AMMECR1L: variants seen among roughly 807,000 people sequenced by gnomAD.
AMMECR1L encodes AMMECR1-like protein.
Under a neutral mutation model 36.8 loss-of-function variants are expected in AMMECR1L, and 4 were observed. The ratio of observed to expected loss-of-function variants is 0.11; its 90% CI spans 0.05 to 0.25. The LOEUF (loss-of-function observed/expected upper bound fraction) is 0.25, where lower values mean the gene tolerates loss of function less well. Ranked by LOEUF, AMMECR1L falls within the 10% of genes least tolerant of loss-of-function variation. The probability of loss-of-function intolerance (pLI) is 1.00; values close to 1 mark genes in which losing one functional copy is unlikely to be tolerated. For missense variants in AMMECR1L, 232 were observed against 392.1 expected (o/e 0.59, Z 3.45); for synonymous variants, 147 against 148.0 (o/e 0.99, Z 0.05).
chr2:127,884,478 T>G (rs1691662847), intron 1 of AMMECR1L, among the ~76,000 whole-genome samples, 166 bp from the exon 2 acceptor site: 1 of 152,120 alleles, frequency 6.6e-6, no homozygotes, highest in African/African-American at 2.4e-5. Context: ...TTGCAAACTC[T>G]AAATCTGAGG....
chr2:127,870,590 A>G (rs1184481144), intron 5 of AMMECR1L, among the ~76,000 whole-genome samples: 1 of 152,194 alleles, frequency 6.6e-6, no homozygotes, highest in East Asian at 1.9e-4. Flanking sequence ...ATGTAAACCA[A>G]GCAGACTAGG....
chr2:127,872,448 G>A (rs965219533), intron 3 of AMMECR1L, among the ~76,000 whole-genome samples: 1 of 152,124 alleles, frequency 6.6e-6, no homozygotes, highest in African/African-American at 2.4e-5. Flanking sequence ...TTTTTAGCAA[G>A]AGGTTTCAAG....
At chr2:127,877,038 T>TATATATATATATAC (rs1691280358) in intron 2 of AMMECR1L, among the ~76,000 whole-genome samples, 18 of 39,422 alleles carry the variant, frequency 4.6e-4, no homozygotes, top group African/African-American at 4.2e-3. Context: ...TATATATACA[T>TATATATATATATAC]ATATATATAT....
intron 2 of AMMECR1L, among the ~76,000 whole-genome samples, chr2:127,877,928 C>T (rs770489141): frequency 6.6e-6 from 1 of 151,862 alleles, no homozygotes; most frequent in Non-Finnish European, 1.5e-5. Context: ...CATGGTGGCA[C>T]GCACCTATGG....
chr2:127,874,099 A>T lies in AMMECR1L; in HGVS notation c.136T>A (p.Ser46Thr), dbSNP rs761395431. Residue 46 changes from serine (S) to threonine (T), a missense_variant, in exon 3 of 8, where the codon TCA becomes ACA. Transcript: ENST00000272647. This position sits in a 1 kb window ranked among gnomAD's most constrained non-coding sequence, Gnocchi z 5.2. ...NQSTTVPGSS[S>T]GPLQNHQHVD... Reference sequence around the variant, plus strand: ...TGCTGGTGGTTTTGAAGAGGTCCTGAACTAGAGCCGGGGACAGTTGTGGAC... The same window carrying T: ...TGCTGGTGGTTTTGAAGAGGTCCTGTACTAGAGCCGGGGACAGTTGTGGAC... 6.2e-7 allele frequency: 1 copy of T among 1,614,168 alleles called. No individual in the cohort carries two copies. The highest frequency in any genetic ancestry group is 1.1e-5 in the South Asian group (1 of 91,086).
At position 127,863,985 on chromosome 2, in the gene AMMECR1L, C is replaced by G. The variant is rs1690575988; in HGVS notation, c.*1109G>C. 1 of 152,360 alleles carries G rather than the reference C, an allele frequency of 6.6e-6. No homozygotes were observed. The highest frequency in any genetic ancestry group is 2.4e-5 in the African/African-American group (1 of 41,460). 9.4% of individuals were successfully genotyped at this position (152,360 alleles called of 1,614,324 possible). A position where few individuals can be genotyped will look rare whatever the true frequency, so the allele number is the denominator to read the frequency against. ...CATGTCAGGCAAGATAAAGGTCCAC[C>G]TTGTGTAATTACACAACTGTTTCCT... On this transcript the variant is annotated 3_prime_UTR_variant, in exon 8 of 8. Coordinates refer to ENST00000272647, the MANE Select transcript of AMMECR1L (RefSeq NM_001199140.2).
rs1036949319 is a variant in AMMECR1L at position 127,874,192 on chromosome 2, C to A, written c.43G>T (p.Ala15Ser). ...RCVPPLEPKLAAGCCGVKKPK... is the reference protein window; with the variant it reads ...RCVPPLEPKLSAGCCGVKKPK... Reference sequence around the variant, plus strand: ...TTCTTGACCCCACAACAGCCTGCTGCCAACTTGGGCTCGAGTGGAGGAACA... The same window carrying A: ...TTCTTGACCCCACAACAGCCTGCTGACAACTTGGGCTCGAGTGGAGGAACA... The change falls in exon 3 of 8, where the codon GCA becomes TCA. Residue 15 changes from alanine (A) to serine (S), a missense_variant. Coordinates refer to ENST00000272647, the MANE Select transcript of AMMECR1L (RefSeq NM_001199140.2). The surrounding 1 kb of genome is among the most constrained non-coding windows in gnomAD (Gnocchi z 5.2). The A allele has an allele frequency of 6.2e-7, 1 of 1,614,084 alleles. No individual in the cohort carries two copies. The highest frequency in any genetic ancestry group is 1.1e-5 in the South Asian group (1 of 91,088).
At position 127,871,065 on chromosome 2, in the gene AMMECR1L, A is replaced by G; in HGVS notation, c.519-137T>C. On this transcript the variant is annotated intron_variant, in intron 4 of 7. Coordinates refer to ENST00000272647, the MANE Select transcript of AMMECR1L (RefSeq NM_001199140.2). The surrounding 1 kb of genome is among the most constrained non-coding windows in gnomAD (Gnocchi z 4.3). ...GTTCATCAACACTAACATGTTAAAA[A>G]CAACTCGATGCTATTAACTGTCTGT... is the stretch of plus-strand genomic sequence containing the variant. The G allele has an allele frequency of 1.1e-6, 1 of 906,080 alleles. No individual in the cohort carries two copies. The highest frequency in any genetic ancestry group is 1.7e-6 in the Non-Finnish European group (1 of 599,348). The allele number at this position is 906,080 out of a possible 1,614,324, so 56.1% of individuals were successfully genotyped here.
intron 6 of AMMECR1L, among the ~76,000 whole-genome samples, chr2:127,868,775 A>T (rs1690822870): frequency 6.7e-6 from 1 of 150,308 alleles, no homozygotes; most frequent in Non-Finnish European, 1.5e-5. Context: ...ACCAGGCTGG[A>T]GTGTAATGGC....
chr2:127,876,794 G>A (rs1204343746), intron 2 of AMMECR1L, among the ~76,000 whole-genome samples: 18 of 152,088 alleles, frequency 1.2e-4, no homozygotes, highest in Admixed American at 1.2e-3. Flanking sequence ...GAGGTGGGCG[G>A]ATCACCTGAG....
chr2:127,885,141 G>A (rs1347963716), intron 1 of AMMECR1L: 52 of 985,104 alleles, frequency 5.3e-5, no homozygotes, highest in Middle Eastern at 5.2e-4. Context: ...ATGGAATGGG[G>A]GGCCAGCGGA....
Position 127,864,962 on chromosome 2 carries a change from G to A in AMMECR1L, c.*132C>T, listed in dbSNP as rs1690619297. The A allele has an allele frequency of 1.5e-6, 1 of 655,748 alleles. No individual in the cohort carries two copies. The highest frequency in any genetic ancestry group is 1.8e-5 in the African/African-American group (1 of 54,484). The allele number at this position is 655,748 out of a possible 1,614,324, so 40.6% of individuals were successfully genotyped here. ...CCCTCAGTCAGCGGGAGGCAGACTT[G>A]GCAACGGAAGCTAGCATCATAAAAT... On this transcript the variant is annotated 3_prime_UTR_variant, in exon 8 of 8. Transcript: ENST00000272647.
Position 127,864,932 on chromosome 2 carries a change from A to C in AMMECR1L, c.*162T>G. On this transcript the variant is annotated 3_prime_UTR_variant, in exon 8 of 8. Coordinates refer to ENST00000272647, the MANE Select transcript of AMMECR1L (RefSeq NM_001199140.2). The stretch of plus-strand genomic sequence containing the variant: ...GTTCTGTTTCGTTCAAGGTAACCCT[A>C]CCCTCCCTCAGTCAGCGGGAGGCAG... 3.6e-6 allele frequency: 2 copies of C among 562,432 alleles called. No homozygotes were observed. The highest frequency in any genetic ancestry group is 3.2e-6 in the Non-Finnish European group (1 of 314,980). The allele number at this position is 562,432 out of a possible 1,614,324, so 34.8% of individuals were successfully genotyped here.
chr2:127,881,215 G>C (rs1228504577), intron 2 of AMMECR1L, among the ~76,000 whole-genome samples: 3 of 151,618 alleles, frequency 2.0e-5, no homozygotes, highest in African/African-American at 7.2e-5. Flanking sequence ...AGCACTTTCA[G>C]AACTACCCAC....
At chr2:127,879,843 T>G (rs1009787766) in intron 2 of AMMECR1L, among the ~76,000 whole-genome samples, 2 of 152,218 alleles carry the variant, frequency 1.3e-5, no homozygotes, top group Non-Finnish European at 2.9e-5. Flanking sequence ...AATAGCATTC[T>G]AATAGATCAG....
rs937545777 is a variant in AMMECR1L at position 127,874,926 on chromosome 2, A to C, written c.-38-654T>G. On this transcript the variant is annotated intron_variant, in intron 2 of 7. Transcript: ENST00000272647. The surrounding 1 kb of genome is among the most constrained non-coding windows in gnomAD (Gnocchi z 5.2). ...CCCCTCTGAACTCACTCCAATTTCT[A>C]TACATCTCCCTATCCTTTCAAGACC... Among the ~76,000 whole-genome samples, 1 of 152,012 alleles carries C rather than the reference A, an allele frequency of 6.6e-6. No homozygotes were observed. Among genetic ancestry groups the C allele is most frequent in the Non-Finnish European group, 1.5e-5 (1 of 68,014 alleles).
chr2:127,865,022 G>T lies in AMMECR1L; in HGVS notation c.*72C>A. ...ATAGAAGTAACTGGACCAGGAAGAG[G>T]AGGCATCTGCTCCAATGATGTCATA... On this transcript the variant is annotated 3_prime_UTR_variant, in exon 8 of 8. Transcript: ENST00000272647. The surrounding 1 kb of genome is among the most constrained non-coding windows in gnomAD (Gnocchi z 5.4). 1.0e-6 allele frequency: 1 copy of T among 989,630 alleles called. No homozygotes were observed. The highest frequency in any genetic ancestry group is 1.6e-6 in the Non-Finnish European group (1 of 638,218). 61.3% of individuals were successfully genotyped at this position (989,630 alleles called of 1,614,324 possible). A position where few individuals can be genotyped will look rare whatever the true frequency, so the allele number is the denominator to read the frequency against.
chr2:127,882,648 C>CAG, intron 2 of AMMECR1L, among the ~76,000 whole-genome samples: 1 of 152,274 alleles, frequency 6.6e-6, no homozygotes, highest in South Asian at 2.1e-4. Flanking sequence ...GGCTGGAGTG[C>CAG]AGTGGTACAA....
chr2:127,876,321 G>T (rs150459721), intron 2 of AMMECR1L, among the ~76,000 whole-genome samples: 1,999 of 146,036 alleles, frequency 0.014, 42 homozygotes, highest in African/African-American at 0.046. Context: ...CTGCACTCCA[G>T]CCTGGGCAAC....
Sources: gnomAD v4.1 joint callset for allele counts (sites outside exome capture counted in the v4.1 genomes callset) on GRCh38, gnomAD v4.1.1 for gene constraint, Gnocchi (gnomAD v3.1) non-coding constraint, MANE v1.5 for transcripts, NCBI Gene and HGNC (gene_info 2026-07-23, HGNC 2026-07-21) for gene names.